The following ATG5 variants were observed in gnomAD, a reference collection of about 807,000 sequenced individuals.
ATG5 encodes the protein autophagy related 5, also known as autophagy protein 5.
ATG5 carries 14 observed loss-of-function variants against 36.5 expected under a neutral mutation model. That is an observed-to-expected ratio of 0.38 (90% CI 0.25 to 0.60). The LOEUF is 0.60. ATG5 is among the 20% of genes least tolerant of loss of function. The probability of loss-of-function intolerance (pLI) is 0.60; values close to 1 mark genes in which losing one functional copy is unlikely to be tolerated. For missense variants in ATG5, 195 were observed against 326.7 expected (o/e 0.60, Z 3.11); for synonymous variants, 95 against 101.5 (o/e 0.94, Z 0.38).
At chr6:106,305,506 G>A (rs1253388097) in intron 3 of ATG5, among the ~76,000 whole-genome samples, 2 of 152,134 alleles carry the variant, frequency 1.3e-5, no homozygotes, top group Non-Finnish European at 2.9e-5. Flanking sequence ...GACAGAATCA[G>A]TGACAAGGTT....
intron 2 of ATG5, among the ~76,000 whole-genome samples, chr6:106,310,291 G>A (rs1267943768): frequency 1.3e-5 from 2 of 152,092 alleles, no homozygotes; most frequent in African/African-American, 2.4e-5. Flanking sequence ...ACACTGAAAT[G>A]TAGCTGCAAT....
At chr6:106,210,079 T>G (rs1776798711) in intron 6 of ATG5, among the ~76,000 whole-genome samples, 2 of 152,224 alleles carry the variant, frequency 1.3e-5, no homozygotes, top group Admixed American at 6.5e-5. Context: ...CCTTTCAACC[T>G]ACTCTAACAC....
chr6:106,238,929 G>C (rs1348575003), intron 6 of ATG5, among the ~76,000 whole-genome samples: 1 of 152,184 alleles, frequency 6.6e-6, no homozygotes, highest in East Asian at 1.9e-4. Flanking sequence ...AAAGTGGAGG[G>C]GGGGAACCCA....
chr6:106,230,754 T>C (rs1036675545), intron 6 of ATG5, among the ~76,000 whole-genome samples: 4 of 151,990 alleles, frequency 2.6e-5, no homozygotes, highest in East Asian at 1.9e-4. Flanking sequence ...AAAAAAGACA[T>C]ATTCTTCTGC....
intron 5 of ATG5, among the ~76,000 whole-genome samples, chr6:106,267,930 GAA>G (rs1219198314): frequency 1.3e-5 from 2 of 152,292 alleles, no homozygotes; most frequent in East Asian, 3.9e-4. Context: ...ATAGGCATGG[GAA>G]AAGACTTCAT....
chr6:106,195,269 T>C (rs1776128634), intron 7 of ATG5, among the ~76,000 whole-genome samples: 1 of 152,216 alleles, frequency 6.6e-6, no homozygotes, highest in African/African-American at 2.4e-5. Flanking sequence ...GCCACATAAC[T>C]TTTATGAAGT....
At chr6:106,267,890 C>A (rs1348265634) in intron 5 of ATG5, among the ~76,000 whole-genome samples, 5 of 152,058 alleles carry the variant, frequency 3.3e-5, no homozygotes, top group Non-Finnish European at 7.4e-5. Context: ...AAAAACCCTA[C>A]AAGAAAACAT....
intron 6 of ATG5, among the ~76,000 whole-genome samples, chr6:106,221,685 CAA>C (rs11442463): frequency 8.6e-4 from 61 of 70,890 alleles, no homozygotes; most frequent in African/African-American, 8.0e-4. Context: ...GACCCTGTCT[CAA>C]AAAAAAAAAA....
chr6:106,199,126 G>A (rs1276614371), intron 7 of ATG5, among the ~76,000 whole-genome samples: 3 of 152,218 alleles, frequency 2.0e-5, no homozygotes, highest in African/African-American at 7.2e-5. Context: ...TGGTGAGACT[G>A]TAAAATGGTA....
intron 6 of ATG5, among the ~76,000 whole-genome samples, chr6:106,242,791 C>T (rs1778179614): frequency 6.6e-6 from 1 of 152,132 alleles, no homozygotes; most frequent in Non-Finnish European, 1.5e-5. Context: ...AGTTTACTAA[C>T]CAGTAAGTCC....
chr6:106,295,816 G>C (rs1246363515), intron 3 of ATG5, among the ~76,000 whole-genome samples: 1 of 151,826 alleles, frequency 6.6e-6, no homozygotes. Flanking sequence ...CTCCCACCTT[G>C]GCCACCCAAA....
At chr6:106,250,443 T>A (rs1315285993) in intron 5 of ATG5, among the ~76,000 whole-genome samples, 3 of 152,198 alleles carry the variant, frequency 2.0e-5, no homozygotes, top group African/African-American at 7.2e-5. Context: ...CAGATTATTA[T>A]ATGTTTAATT....
intron 1 of ATG5, among the ~76,000 whole-genome samples, chr6:106,325,115 G>A (rs1582703171): frequency 6.6e-6 from 1 of 152,236 alleles, no homozygotes; most frequent in Non-Finnish European, 1.5e-5. Flanking sequence ...TATTGAGACA[G>A]GGAATATCGT....
chr6:106,256,745 C>T (rs926499718), intron 5 of ATG5, among the ~76,000 whole-genome samples: 1 of 152,118 alleles, frequency 6.6e-6, no homozygotes, highest in Non-Finnish European at 1.5e-5. Flanking sequence ...GTATAGTGCA[C>T]GTACCATCAA....
At chr6:106,316,298 C>G in intron 1 of ATG5, 32 bp from the exon 2 acceptor site, 1 of 866,174 alleles carries the variant, frequency 1.2e-6, no homozygotes, top group Non-Finnish European at 1.8e-6. Context: ...TTAGTCAGAT[C>G]CTTGCAACGA....
intron 5 of ATG5, among the ~76,000 whole-genome samples, chr6:106,256,213 G>A (rs1337810564): frequency 6.6e-6 from 1 of 152,166 alleles, no homozygotes; most frequent in East Asian, 1.9e-4. Flanking sequence ...GAGAGAAAGT[G>A]TAAAGTAGAA....
chr6:106,190,494 A>T (rs1775930667), intron 7 of ATG5, among the ~76,000 whole-genome samples: 1 of 152,214 alleles, frequency 6.6e-6, no homozygotes. Context: ...TCAAGGATGC[A>T]CATATTGCAT....
chr6:106,215,706 T>C (rs1425731680), intron 6 of ATG5, among the ~76,000 whole-genome samples: 1 of 151,604 alleles, frequency 6.6e-6, no homozygotes, highest in Admixed American at 6.6e-5. Context: ...TAGGAAATGG[T>C]TTCTTACATA....
intron 3 of ATG5, among the ~76,000 whole-genome samples, chr6:106,295,958 C>T (rs183583112): frequency 1.3e-4 from 20 of 152,016 alleles, no homozygotes; most frequent in South Asian, 2.1e-4. Flanking sequence ...ATTTAAAAAA[C>T]GAGAAAACTA....
Sources: gnomAD v4.1 joint callset for allele counts (sites outside exome capture counted in the v4.1 genomes callset) on GRCh38, gnomAD v4.1.1 for gene constraint, MANE v1.5 for transcripts, NCBI Gene and HGNC (gene_info 2026-07-23, HGNC 2026-07-21) for gene names.